The following SLC24A2 variants were observed in gnomAD, a reference collection of about 807,000 sequenced individuals.
The protein encoded by SLC24A2 is sodium/potassium/calcium exchanger 2.
SLC24A2 carries 36 observed loss-of-function variants against 62.0 expected under a neutral mutation model. That is an observed-to-expected ratio of 0.58 (90% CI 0.44 to 0.77). SLC24A2 has a LOEUF of 0.77. SLC24A2 is among the 30% of genes least tolerant of loss of function. The pLI, the probability that SLC24A2 is intolerant of heterozygous loss-of-function variation, is 0.00. For missense variants in SLC24A2, 846 were observed against 817.9 expected, an observed-to-expected ratio of 1.03 and a Z score of -0.42; for synonymous variants, 358 against 294.0, an observed-to-expected ratio of 1.22 and a Z score of -2.23.
intron 7 of SLC24A2, among the ~76,000 whole-genome samples, chr9:19,564,495 T>G (rs992848190): frequency 2.6e-5 from 4 of 151,852 alleles, no homozygotes; most frequent in African/African-American, 9.7e-5. Context: ...ATATTACACA[T>G]TCTCTGTCTT....
intron 4 of SLC24A2, among the ~76,000 whole-genome samples, chr9:19,613,381 A>T (rs1817678207): frequency 6.6e-6 from 1 of 152,220 alleles, no homozygotes; most frequent in Non-Finnish European, 1.5e-5. Context: ...AAGCAGTTCA[A>T]GACCACGCAT....
chr9:20,046,037 C>T, the SLC24A2 span, among the ~76,000 whole-genome samples: 1 of 152,202 alleles, frequency 6.6e-6, no homozygotes, highest in African/African-American at 2.4e-5. Flanking sequence ...CCTAGCTGCT[C>T]TCATATCAAA....
At chr9:19,695,125 C>G (rs953301160) in intron 2 of SLC24A2, among the ~76,000 whole-genome samples, 1 of 152,048 alleles carries the variant, frequency 6.6e-6, no homozygotes, top group Non-Finnish European at 1.5e-5. Flanking sequence ...ATTTCCATAA[C>G]TGGAGGGGCA....
chr9:19,732,249 G>T (rs1314753758), intron 2 of SLC24A2, among the ~76,000 whole-genome samples: 7 of 152,142 alleles, frequency 4.6e-5, no homozygotes, highest in African/African-American at 1.7e-4. Flanking sequence ...TTTCCAAGTG[G>T]TTTAGCCCCC....
chr9:19,699,997 C>T (rs1587175244), intron 2 of SLC24A2, among the ~76,000 whole-genome samples: 1 of 152,010 alleles, frequency 6.6e-6, no homozygotes, highest in Admixed American at 6.6e-5. Flanking sequence ...TCTTTCTGGG[C>T]AAAAGAGTCC....
chr9:20,152,465 G>A, the SLC24A2 span, among the ~76,000 whole-genome samples: 1 of 151,892 alleles, frequency 6.6e-6, no homozygotes, highest in Non-Finnish European at 1.5e-5. Context: ...ATGTGCTTTA[G>A]CTTTGCTGAG....
the SLC24A2 span, among the ~76,000 whole-genome samples, chr9:19,901,293 GGGGAT>G: frequency 6.6e-6 from 1 of 152,180 alleles, no homozygotes; most frequent in African/African-American, 2.4e-5. Context: ...GGAGGACTCA[GGGGAT>G]GCTGTACACA....
At chr9:19,826,853 T>C in the SLC24A2 span, among the ~76,000 whole-genome samples, 2 of 152,164 alleles carry the variant, frequency 1.3e-5, no homozygotes, top group South Asian at 2.1e-4. Context: ...TCAGGGCAGA[T>C]TGTGAAGCAC....
the SLC24A2 span, among the ~76,000 whole-genome samples, chr9:20,216,046 A>G: frequency 6.6e-6 from 1 of 152,222 alleles, no homozygotes. Context: ...AAACCCATTA[A>G]TTAATAGATC....
chr9:20,042,979 CCTT>C, the SLC24A2 span, among the ~76,000 whole-genome samples: 1 of 152,246 alleles, frequency 6.6e-6, no homozygotes, highest in Non-Finnish European at 1.5e-5. Flanking sequence ...CCATTTCTCT[CCTT>C]CTCCTTGGGT....
At chr9:19,899,453 G>A in the SLC24A2 span, among the ~76,000 whole-genome samples, 1 of 152,164 alleles carries the variant, frequency 6.6e-6, no homozygotes, top group Non-Finnish European at 1.5e-5. Context: ...TCAAGCCAAA[G>A]TCTTGCTATG....
At chr9:19,829,200 T>C in the SLC24A2 span, among the ~76,000 whole-genome samples, 5 of 152,132 alleles carry the variant, frequency 3.3e-5, no homozygotes, top group Admixed American at 1.3e-4. Flanking sequence ...CTGTGTCACT[T>C]TTCTTGCTAC....
At chr9:19,881,140 G>T in the SLC24A2 span, among the ~76,000 whole-genome samples, 3 of 152,094 alleles carry the variant, frequency 2.0e-5, no homozygotes, top group African/African-American at 7.2e-5. Context: ...TATCACATAA[G>T]TATAGTTCAT....
At chr9:20,296,296 T>C in the SLC24A2 span, among the ~76,000 whole-genome samples, 1 of 152,254 alleles carries the variant, frequency 6.6e-6, no homozygotes, top group Non-Finnish European at 1.5e-5. Context: ...TGCCAAATTA[T>C]TCTATTGTAT....
chr9:19,799,319 T>G, the SLC24A2 span, among the ~76,000 whole-genome samples: 6 of 152,348 alleles, frequency 3.9e-5, no homozygotes, highest in South Asian at 1.2e-3. Context: ...CCTGATACAC[T>G]TTTTCTGTTT....
intron 2 of SLC24A2, among the ~76,000 whole-genome samples, chr9:19,761,163 G>A (rs918780599): frequency 1.3e-5 from 2 of 152,164 alleles, no homozygotes; most frequent in Admixed American, 6.5e-5. Flanking sequence ...ATAATCCTTA[G>A]GGTATGTACC....
chr9:19,924,934 T>C, the SLC24A2 span, among the ~76,000 whole-genome samples: 1 of 152,198 alleles, frequency 6.6e-6, no homozygotes, highest in Non-Finnish European at 1.5e-5. Context: ...TTCTGACTGT[T>C]CTAGGCTCAG....
Position 19,786,610 on chromosome 9 carries a change from G to A in SLC24A2, c.257C>T (p.Thr86Ile), listed in dbSNP as rs1292060019. ...AATCTTGTCATTTAAATCTAAGAGA[G>A]TTCTCTGATGGTAACCCTGTGCTAC... The part of the protein sequence containing the change: ...PRVAQGYHQR[T>I]LLDLNDKILD... Residue 86 changes from threonine (T) to isoleucine (I), a missense_variant, in exon 2 of 11, where the codon ACT becomes ATT. Transcript: ENST00000341998. The surrounding 1 kb of genome is among the most constrained non-coding windows in gnomAD (Gnocchi z 5.0). The A allele has an allele frequency of 1.9e-6, 3 of 1,614,168 alleles. No homozygotes were observed. Among genetic ancestry groups the A allele is most frequent in the Admixed American group, 1.7e-5 (1 of 60,022 alleles).
At chr9:19,680,893 G>T (rs1254829025) in intron 2 of SLC24A2, among the ~76,000 whole-genome samples, 1 of 150,422 alleles carries the variant, frequency 6.6e-6, no homozygotes, top group Non-Finnish European at 1.5e-5. Flanking sequence ...GTGTCACAAT[G>T]CACTCAGAAT....
Sources: gnomAD v4.1 joint callset for allele counts (sites outside exome capture counted in the v4.1 genomes callset) on GRCh38, gnomAD v4.1.1 for gene constraint, Gnocchi (gnomAD v3.1) non-coding constraint, MANE v1.5 for transcripts, NCBI Gene and HGNC (gene_info 2026-07-23, HGNC 2026-07-21) for gene names.